The following ST3GAL1 variants were observed in gnomAD, a reference collection of about 807,000 sequenced individuals.
ST3GAL1 encodes ST3 beta-galactoside alpha-2,3-sialyltransferase 1, also known as CMP-N-acetylneuraminate-beta-galactosamide-alpha-2,3-sialyltransferase 1.
A neutral mutation model predicts 34.1 loss-of-function variants in ST3GAL1; 16 were observed. The ratio of observed to expected loss-of-function variants is 0.47; its 90% CI spans 0.32 to 0.71. ST3GAL1 has a LOEUF of 0.71. Among genes scored for constraint, ST3GAL1 ranks in the 30% least tolerant of loss-of-function variants. The pLI is 0.04. For synonymous variants in ST3GAL1, 191 were observed against 184.7 expected (o/e 1.03, Z -0.28); for missense variants, 353 against 447.4 (o/e 0.79, Z 1.90).
intron 2 of ST3GAL1, among the ~76,000 whole-genome samples, chr8:133,538,402 C>A (rs772380067): frequency 1.3e-5 from 2 of 152,184 alleles, no homozygotes; most frequent in African/African-American, 4.8e-5. Flanking sequence ...GTAATCCCAA[C>A]TACTTGGGAG....
At chr8:133,545,692 T>C (rs532531520) in intron 2 of ST3GAL1, 82 bp downstream of exon 2, 1 of 152,278 alleles carries the variant, frequency 6.6e-6, no homozygotes, top group East Asian at 1.9e-4. Flanking sequence ...ACATCCTCCA[T>C]GGAACATAAT....
At chr8:133,482,071 C>T (rs1314172635) in intron 3 of ST3GAL1, among the ~76,000 whole-genome samples, 6 of 152,030 alleles carry the variant, frequency 3.9e-5, no homozygotes, top group Non-Finnish European at 8.8e-5. Flanking sequence ...GCTCTCTGCT[C>T]GTCCTCTGAA....
intron 2 of ST3GAL1, among the ~76,000 whole-genome samples, chr8:133,531,237 T>C (rs909098448): frequency 4.6e-5 from 7 of 152,198 alleles, no homozygotes; most frequent in African/African-American, 1.4e-4. Flanking sequence ...AGCATAAATA[T>C]ACATGACTAT....
intron 3 of ST3GAL1, among the ~76,000 whole-genome samples, chr8:133,478,186 GAGCAGCTCTGT>G (rs1240456392): frequency 6.6e-6 from 1 of 152,176 alleles, no homozygotes; most frequent in Non-Finnish European, 1.5e-5. Flanking sequence ...CCCCATCAAG[GAGCAGCTCTGT>G]AATTTAAGTA....
intron 3 of ST3GAL1, chr8:133,488,394 C>T (rs1178928916): frequency 2.0e-5 from 3 of 152,196 alleles, no homozygotes; most frequent in Non-Finnish European, 4.4e-5. Context: ...TGCAGGTGGG[C>T]CTCATCCAAT....
At chr8:133,515,533 G>A (rs925278691) in intron 2 of ST3GAL1, 2 of 152,172 alleles carry the variant, frequency 1.3e-5, no homozygotes, top group African/African-American at 4.8e-5. Flanking sequence ...TGACCCAGTA[G>A]GCTCTGGCCA....
At position 133,503,256 on chromosome 8, in the gene ST3GAL1, G is replaced by C. The variant is rs575589639; in HGVS notation, c.-428-4067C>G. ...TTCTAACGCCCCCCAACAAACGTTT[G>C]ATTTGTAAGAACTGAGTAGATAGTC... On this transcript the variant is annotated intron_variant, in intron 2 of 9. Coordinates refer to ENST00000522652, the MANE Select transcript of ST3GAL1 (RefSeq NM_173344.3). Among the ~76,000 whole-genome samples the C allele has an allele frequency of 2.6e-5, 4 of 152,322 alleles. No homozygotes were observed. In the South Asian group the frequency reaches 8.3e-4, roughly 32 times the overall value.
In ST3GAL1 at chr8:133,510,356, T is replaced by C. The variant is rs189165196; in HGVS notation, c.-428-11167A>G. Among the ~76,000 whole-genome samples, 466 of 152,282 alleles carry C rather than the reference T, an allele frequency of 3.1e-3. 1 individual carries two copies. Among genetic ancestry groups the C allele is most frequent in the Non-Finnish European group, 5.4e-3 (366 of 68,032 alleles). On this transcript the variant is annotated intron_variant, in intron 2 of 9. Coordinates refer to ENST00000522652, the MANE Select transcript of ST3GAL1 (RefSeq NM_173344.3). ...ACCATCACCCCTTCACCTCACATCA[T>C]GTGAAACACAGGCTACTGGAAGCTT...
chr8:133,563,607 C>T (rs946609941), intron 1 of ST3GAL1, among the ~76,000 whole-genome samples: 3 of 152,196 alleles, frequency 2.0e-5, no homozygotes, highest in African/African-American at 7.2e-5. Context: ...AGGGTCAACA[C>T]GATAAGCGCC....
intron 3 of ST3GAL1, among the ~76,000 whole-genome samples, chr8:133,495,653 A>C (rs1229894776): frequency 1.3e-5 from 2 of 152,146 alleles, no homozygotes; most frequent in Admixed American, 1.3e-4. Flanking sequence ...GACATGAGGT[A>C]ATGTTTCTCT....
intron 2 of ST3GAL1, among the ~76,000 whole-genome samples, chr8:133,511,364 T>C (rs1415607855): frequency 2.0e-5 from 3 of 152,208 alleles, no homozygotes; most frequent in Admixed American, 1.3e-4. Flanking sequence ...AGGGTGGTTG[T>C]ATTTATTGAA....
chr8:133,515,725 A>C (rs1817624590), intron 2 of ST3GAL1: 1 of 152,158 alleles, frequency 6.6e-6, no homozygotes, highest in Non-Finnish European at 1.5e-5. Flanking sequence ...GTAAGCCCAA[A>C]AGAGGTTAGA....
chr8:133,494,234 C>T (rs143672502), intron 3 of ST3GAL1, among the ~76,000 whole-genome samples: 2 of 152,314 alleles, frequency 1.3e-5, no homozygotes, highest in East Asian at 1.9e-4. Flanking sequence ...GTAAGACATG[C>T]AGGCTGAGAG....
chr8:133,531,814 G>GAAAAAAAAA (rs55909710), intron 2 of ST3GAL1, among the ~76,000 whole-genome samples: 5 of 99,854 alleles, frequency 5.0e-5, no homozygotes, highest in Non-Finnish European at 6.3e-5. Context: ...CTTAAAAACA[G>GAAAAAAAAA]AAAAAAAAAA....
At chr8:133,522,135 T>C (rs571612561) in intron 2 of ST3GAL1, among the ~76,000 whole-genome samples, 2 of 152,246 alleles carry the variant, frequency 1.3e-5, no homozygotes, top group African/African-American at 2.4e-5. Context: ...AAGAGCTATA[T>C]AGAATGGGGA....
At chr8:133,514,630 A>G (rs1439570538) in intron 2 of ST3GAL1, among the ~76,000 whole-genome samples, 2 of 152,092 alleles carry the variant, frequency 1.3e-5, no homozygotes, top group Non-Finnish European at 2.9e-5. Flanking sequence ...AGGGCTCCCT[A>G]GAAGCTCCTC....
At chr8:133,494,660 T>C (rs773007844) in intron 3 of ST3GAL1, among the ~76,000 whole-genome samples, 1 of 152,180 alleles carries the variant, frequency 6.6e-6, no homozygotes, top group Non-Finnish European at 1.5e-5. Context: ...CTACATGAAC[T>C]GGTCCCTGCC....
chr8:133,546,211 C>T (rs906374788), intron 1 of ST3GAL1, among the ~76,000 whole-genome samples: 34 of 152,172 alleles, frequency 2.2e-4, no homozygotes, highest in African/African-American at 4.1e-4. Context: ...GTAATACAGG[C>T]GGCTTGGGCG....
In ST3GAL1 at chr8:133,542,355, G is replaced by A. The variant is rs190552157; in HGVS notation, c.-429+3419C>T. ...AGTGCTCAAATGACGATGGAGAAAT[G>A]TTAGAGACACAGGAGCCAGGCCCTA... On this transcript the variant is annotated intron_variant, in intron 2 of 9. Coordinates refer to ENST00000522652, the MANE Select transcript of ST3GAL1 (RefSeq NM_173344.3). 6.8e-4 allele frequency among the ~76,000 whole-genome samples: 103 copies of A among 152,334 alleles called. 1 individual carries two copies. The highest frequency in any genetic ancestry group is 9.8e-4 in the Non-Finnish European group (67 of 68,030).
Sources: gnomAD v4.1 joint callset for allele counts (sites outside exome capture counted in the v4.1 genomes callset) on GRCh38, gnomAD v4.1.1 for gene constraint, MANE v1.5 for transcripts, NCBI Gene and HGNC (gene_info 2026-07-23, HGNC 2026-07-21) for gene names.